Variants in AGBL1 observed in about 807,000 individuals in gnomAD.
AGBL1 encodes cytosolic carboxypeptidase 4.
AGBL1 carries 130 observed loss-of-function variants against 118.9 expected under a neutral mutation model. The observed-to-expected ratio is 1.09, with a 90% CI of 0.95 to 1.26. The LOEUF (loss-of-function observed/expected upper bound fraction) is 1.26. Ranked by LOEUF, AGBL1 falls within the 50% of genes most tolerant of loss-of-function variation. The pLI, the probability that AGBL1 is intolerant of heterozygous loss-of-function variation, is 0.00. For synonymous variants in AGBL1, 555 were observed against 478.9 expected, an observed-to-expected ratio of 1.16 and a Z score of -2.08; for missense variants, 1,584 against 1,298.1, an observed-to-expected ratio of 1.22 and a Z score of -3.38.
chr15:86,520,233 T>C (rs1331707406), intron 18 of AGBL1, among the ~76,000 whole-genome samples: 1 of 152,202 alleles, frequency 6.6e-6, no homozygotes, highest in African/African-American at 2.4e-5. Flanking sequence ...GATACAGATG[T>C]GGATATAGTC....
At chr15:86,848,926 C>T (rs927845951) in intron 22 of AGBL1, among the ~76,000 whole-genome samples, 2 of 152,144 alleles carry the variant, frequency 1.3e-5, no homozygotes, top group African/African-American at 4.8e-5. Flanking sequence ...AATTACCACC[C>T]CTTTTATCTT....
At chr15:86,097,756 A>C (rs759425372) in intron 1 of AGBL1, among the ~76,000 whole-genome samples, 1 of 151,974 alleles carries the variant, frequency 6.6e-6, no homozygotes, top group Non-Finnish European at 1.5e-5. Context: ...TTGATTCCCT[A>C]TCTTGGCTCT....
At chr15:86,679,223 T>C (rs2085905332) in intron 22 of AGBL1, among the ~76,000 whole-genome samples, 1 of 152,136 alleles carries the variant, frequency 6.6e-6, no homozygotes, top group Non-Finnish European at 1.5e-5. Context: ...TATTTACTGA[T>C]TCAGATCTGC....
intron 21 of AGBL1, among the ~76,000 whole-genome samples, chr15:86,661,971 C>G (rs2085549774): frequency 6.6e-6 from 1 of 152,228 alleles, no homozygotes; most frequent in Non-Finnish European, 1.5e-5. Flanking sequence ...AATGGGAATA[C>G]TAATCTTTTA....
intron 21 of AGBL1, among the ~76,000 whole-genome samples, chr15:86,656,571 C>A (rs759041301): frequency 7.9e-5 from 12 of 152,138 alleles, no homozygotes; most frequent in Non-Finnish European, 8.8e-5. Flanking sequence ...CTCCTAAGTT[C>A]TTTATGCATC....
At chr15:86,588,457 C>A (rs2084285854) in intron 21 of AGBL1, among the ~76,000 whole-genome samples, 1 of 152,188 alleles carries the variant, frequency 6.6e-6, no homozygotes, top group Admixed American at 6.5e-5. Flanking sequence ...TGAGGACTGG[C>A]CTGCCTGCTG....
chr15:86,501,732 T>A (rs1567027472), intron 18 of AGBL1, among the ~76,000 whole-genome samples: 1 of 151,576 alleles, frequency 6.6e-6, no homozygotes, highest in African/African-American at 2.4e-5. Context: ...TGTCTTGGCA[T>A]CCTTGTAGAA....
intron 17 of AGBL1, among the ~76,000 whole-genome samples, chr15:86,316,443 G>A (rs886173881): frequency 1.3e-5 from 2 of 152,184 alleles, no homozygotes; most frequent in Non-Finnish European, 2.9e-5. Context: ...AGGAGTGAAC[G>A]GAGTGGGTTT....
chr15:86,281,821 C>T lies in AGBL1; in HGVS notation c.2220+2038C>T, dbSNP rs763421237. Among the ~76,000 whole-genome samples, 123 of 152,152 alleles carry T rather than the reference C, an allele frequency of 8.1e-4. 8 individuals are homozygous for T. The highest frequency in any genetic ancestry group is 5.9e-5 in the Non-Finnish European group (4 of 68,020). Reference sequence around the variant, plus strand: ...TACATTCACAAGCTGCTAAAACATGCAGTCGTTTTATGAGTCCATGTAGTC... The same window carrying T: ...TACATTCACAAGCTGCTAAAACATGTAGTCGTTTTATGAGTCCATGTAGTC... On this transcript the variant is annotated intron_variant, in intron 16 of 22. Transcript: ENST00000614907.
rs777848171 is a variant in AGBL1 at position 86,522,796 on chromosome 15, A to G, written c.2556-14A>G. ...CTGAATGTGTATTTATTTGCTTATT[A>G]TTTGTTCCTGTAGCCACAGATGCTC... On this transcript the variant is annotated splice_polypyrimidine_tract_variant and intron_variant, in intron 18 of 22. Coordinates refer to ENST00000614907, the MANE Select transcript of AGBL1 (RefSeq NM_001386094.1). 1.2e-6 allele frequency: 2 copies of G among 1,612,710 alleles called. No individual in the cohort carries two copies. Among genetic ancestry groups the G allele is most frequent in the African/African-American group, 2.7e-5 (2 of 74,874 alleles).
At chr15:86,290,943 T>A (rs1275938630) in intron 16 of AGBL1, among the ~76,000 whole-genome samples, 2 of 152,112 alleles carry the variant, frequency 1.3e-5, no homozygotes, top group African/African-American at 4.8e-5. Context: ...ATGCGGTGTT[T>A]GGTTTTTTGT....
At chr15:86,500,731 T>A (rs1287416251) in intron 18 of AGBL1, among the ~76,000 whole-genome samples, 1 of 151,796 alleles carries the variant, frequency 6.6e-6, no homozygotes, top group African/African-American at 2.4e-5. Flanking sequence ...GGGTGTTTCA[T>A]ATAAATGGTA....
chr15:86,209,822 T>C lies in AGBL1; in HGVS notation c.489-15092T>C, dbSNP rs573931884. Among the ~76,000 whole-genome samples the C allele has an allele frequency of 4.6e-5, 7 of 152,344 alleles. No individual in the cohort carries two copies. In the South Asian group the frequency reaches 1.5e-3, roughly 32 times the overall value. On this transcript the variant is annotated intron_variant, in intron 5 of 22. Coordinates refer to ENST00000614907, the MANE Select transcript of AGBL1 (RefSeq NM_001386094.1). ...GCATTTAGCCCATTTACATTTAATT[T>C]TAATATTGTTATGTGTGAATTTTAT...
chr15:86,184,426 T>TTTC (rs2077596919), intron 5 of AGBL1, among the ~76,000 whole-genome samples: 1 of 149,416 alleles, frequency 6.7e-6, no homozygotes, highest in Admixed American at 6.7e-5. Flanking sequence ...TTATTTCTTT[T>TTTC]TTCTTTCTTT....
chr15:86,854,367 G>C (rs2141465627), intron 22 of AGBL1, among the ~76,000 whole-genome samples: 1 of 152,240 alleles, frequency 6.6e-6, no homozygotes, highest in African/African-American at 2.4e-5. Flanking sequence ...GAGATGCATG[G>C]TGTCCTTTCA....
chr15:86,654,102 G>A (rs967126376), intron 21 of AGBL1, among the ~76,000 whole-genome samples: 3 of 152,086 alleles, frequency 2.0e-5, no homozygotes, highest in Non-Finnish European at 2.9e-5. Flanking sequence ...ATCAAAATGC[G>A]AAGATTTTAT....
rs1292265693 is a variant in AGBL1 at position 86,914,205 on chromosome 15, T to A, written c.*6911T>A. On this transcript the variant is annotated 3_prime_UTR_variant, in exon 23 of 23. Coordinates refer to ENST00000614907, the MANE Select transcript of AGBL1 (RefSeq NM_001386094.1). Reference sequence around the variant, plus strand: ...ATCCAGGGTATGGGGGTTAAATGAATGAATGTCCTGGGGTAGAAGACTATC... The same window carrying A: ...ATCCAGGGTATGGGGGTTAAATGAAAGAATGTCCTGGGGTAGAAGACTATC... 1.3e-5 allele frequency: 2 copies of A among 152,106 alleles called. No homozygotes were observed. Among genetic ancestry groups the A allele is most frequent in the Non-Finnish European group, 1.5e-5 (1 of 68,040 alleles). 9.4% of individuals were successfully genotyped at this position (152,106 alleles called of 1,614,324 possible).
At chr15:86,590,356 G>C (rs1431933311) in intron 21 of AGBL1, among the ~76,000 whole-genome samples, 1 of 152,150 alleles carries the variant, frequency 6.6e-6, no homozygotes, top group African/African-American at 2.4e-5. Flanking sequence ...TTTCATGAGA[G>C]TGAGTTCTCA....
intron 21 of AGBL1, among the ~76,000 whole-genome samples, chr15:86,625,489 A>G (rs1193286391): frequency 1.3e-5 from 2 of 150,870 alleles, no homozygotes; most frequent in African/African-American, 4.9e-5. Flanking sequence ...ATCTGTCCAG[A>G]TTAATCCCAC....
Sources: gnomAD v4.1 joint callset for allele counts (sites outside exome capture counted in the v4.1 genomes callset) on GRCh38, gnomAD v4.1.1 for gene constraint, MANE v1.5 for transcripts, NCBI Gene and HGNC (gene_info 2026-07-23, HGNC 2026-07-21) for gene names.